The following PTPRN2 variants were observed in gnomAD, a reference collection of about 807,000 sequenced individuals.
The protein encoded by PTPRN2 is protein tyrosine phosphatase receptor type N2, also known as receptor-type tyrosine-protein phosphatase N2.
Under a neutral mutation model 118.8 loss-of-function variants are expected in PTPRN2, and 74 were observed. That is an observed-to-expected ratio of 0.62 (90% CI 0.52 to 0.76). The LOEUF is 0.76. Among genes scored for constraint, PTPRN2 ranks in the 30% least tolerant of loss-of-function variants. The pLI is 0.00. For missense variants in PTPRN2, 1,481 were observed against 1,394.4 expected (o/e 1.06, Z -0.99); for synonymous variants, 641 against 608.0 (o/e 1.05, Z -0.80).
rs1306993161 is a variant in PTPRN2 at position 157,583,989 on chromosome 7, A to C, written c.2497-5849T>G. Among the ~76,000 whole-genome samples the C allele has an allele frequency of 6.6e-6, 1 of 151,872 alleles. No individual in the cohort carries two copies. Among genetic ancestry groups the C allele is most frequent in the African/African-American group, 2.4e-5 (1 of 41,314 alleles). ...CAGAGACCTGATTTAAGGGAAGATG[A>C]TCAATCTGAAATAGTGAAACACTGG... On this transcript the variant is annotated intron_variant, in intron 17 of 22. Transcript: ENST00000389418. The surrounding 1 kb of genome is among the most constrained non-coding windows in gnomAD (Gnocchi z 5.5).
At chr7:158,332,743 C>T (rs1428440617) in intron 2 of PTPRN2, among the ~76,000 whole-genome samples, 2 of 149,846 alleles carry the variant, frequency 1.3e-5, no homozygotes, top group African/African-American at 5.0e-5. Context: ...ACCATAAGAG[C>T]TGAGGCCCAC....
At chr7:157,895,056 C>CCCT (rs11419587) in intron 12 of PTPRN2, among the ~76,000 whole-genome samples, 13 of 151,938 alleles carry the variant, frequency 8.6e-5, no homozygotes, top group Admixed American at 7.9e-4. Context: ...ACCCCTCCCC[C>CCCT]ACAGGAGGGG....
chr7:158,442,052 G>T (rs1197470574), intron 2 of PTPRN2, among the ~76,000 whole-genome samples: 2 of 150,280 alleles, frequency 1.3e-5, no homozygotes, highest in Non-Finnish European at 3.0e-5. Flanking sequence ...GACAGTGGTG[G>T]TGATGGTGAT....
At chr7:157,996,059 T>C (rs1227369709) in intron 11 of PTPRN2, among the ~76,000 whole-genome samples, 2 of 152,192 alleles carry the variant, frequency 1.3e-5, no homozygotes, top group Non-Finnish European at 2.9e-5. Context: ...TAAAAAAGGA[T>C]GAAGTCCTGT....
chr7:157,711,621 C>CT (rs1381692051), intron 12 of PTPRN2, among the ~76,000 whole-genome samples: 1 of 152,182 alleles, frequency 6.6e-6, no homozygotes, highest in African/African-American at 2.4e-5. Context: ...CTGCTCTCCT[C>CT]TTTGTCTTCT....
At chr7:158,403,404 GC>G (rs1408304538) in intron 2 of PTPRN2, among the ~76,000 whole-genome samples, 1 of 152,204 alleles carries the variant, frequency 6.6e-6, no homozygotes, top group Non-Finnish European at 1.5e-5. Flanking sequence ...TGACATGCAG[GC>G]CCCACCCCAG....
intron 3 of PTPRN2, among the ~76,000 whole-genome samples, chr7:158,245,728 C>T (rs933205782): frequency 1.3e-5 from 2 of 152,132 alleles, no homozygotes; most frequent in Non-Finnish European, 2.9e-5. Context: ...TCAGGCACAG[C>T]GTCTCATGAC....
At chr7:158,155,951 G>A (rs189116259) in intron 6 of PTPRN2, among the ~76,000 whole-genome samples, 7 of 152,260 alleles carry the variant, frequency 4.6e-5, no homozygotes, top group Non-Finnish European at 1.0e-4. Context: ...GCTCATTATC[G>A]CATTCTCTCC....
At chr7:158,500,736 A>G (rs1470263128) in intron 1 of PTPRN2, among the ~76,000 whole-genome samples, 1 of 152,252 alleles carries the variant, frequency 6.6e-6, no homozygotes, top group Non-Finnish European at 1.5e-5. Context: ...AAGTTGAAAG[A>G]CGTGACCAGG....
intron 12 of PTPRN2, among the ~76,000 whole-genome samples, chr7:157,811,332 T>TTATATATATTTATATATATATATATATA (rs1554455382): frequency 5.3e-5 from 7 of 131,296 alleles, no homozygotes; most frequent in African/African-American, 1.4e-4. Context: ...ATCTACTCTA[T>TTATATATATTTATATATATATATATATA]TATATATATA....
chr7:158,300,487 T>C (rs1800807225), intron 3 of PTPRN2, among the ~76,000 whole-genome samples: 1 of 152,190 alleles, frequency 6.6e-6, no homozygotes, highest in African/African-American at 2.4e-5. Flanking sequence ...CTATATTTTG[T>C]GTGAGACATC....
At chr7:157,655,922 C>T (rs1337842843) in intron 14 of PTPRN2, among the ~76,000 whole-genome samples, 2 of 151,906 alleles carry the variant, frequency 1.3e-5, no homozygotes, top group Non-Finnish European at 2.9e-5. Flanking sequence ...CCCACACCTC[C>T]TCCTGCCTTG....
chr7:158,071,334 G>C (rs1336555970), intron 11 of PTPRN2, among the ~76,000 whole-genome samples: 1 of 124,204 alleles, frequency 8.1e-6, no homozygotes, highest in South Asian at 2.9e-4. Flanking sequence ...GGTGCCCATG[G>C]TGGTGGAGGT....
intron 2 of PTPRN2, among the ~76,000 whole-genome samples, chr7:158,340,312 C>A (rs1275143441): frequency 3.0e-5 from 3 of 100,530 alleles, no homozygotes; most frequent in South Asian, 3.9e-4. Flanking sequence ...GAGCTGACAC[C>A]CACAGACATC....
intron 1 of PTPRN2, among the ~76,000 whole-genome samples, chr7:158,569,729 CTG>C (rs1827881874): frequency 2.2e-4 from 1 of 4,538 alleles, no homozygotes; most frequent in Admixed American, 4.5e-3. Context: ...GGCCGCCTGA[CTG>C]ACAGGAACGC....
intron 2 of PTPRN2, among the ~76,000 whole-genome samples, chr7:158,423,850 C>T (rs1815471107): frequency 6.6e-6 from 1 of 152,088 alleles, no homozygotes; most frequent in African/African-American, 2.4e-5. Flanking sequence ...TGGGACATTA[C>T]AGTCCCTTTA....
At chr7:158,558,760 A>T (rs1827202532) in intron 1 of PTPRN2, among the ~76,000 whole-genome samples, 1 of 145,704 alleles carries the variant, frequency 6.9e-6, no homozygotes, top group African/African-American at 2.6e-5. Flanking sequence ...GCTAGACTAA[A>T]AAAAAAAAAA....
At chr7:158,482,570 G>GTGCTAT (rs2129444980) in intron 2 of PTPRN2, among the ~76,000 whole-genome samples, 1 of 152,254 alleles carries the variant, frequency 6.6e-6, no homozygotes, top group African/African-American at 2.4e-5. Flanking sequence ...TTTAGACATA[G>GTGCTAT]TGCTATTACA....
intron 9 of PTPRN2, among the ~76,000 whole-genome samples, chr7:158,127,765 C>G (rs1348938601): frequency 6.6e-6 from 1 of 152,168 alleles, no homozygotes; most frequent in Non-Finnish European, 1.5e-5. Context: ...GCAGGTTCCT[C>G]TTTGCTGAGA....
Sources: allele counts gnomAD v4.1 joint callset (sites outside exome capture counted in the v4.1 genomes callset), GRCh38; gene constraint gnomAD v4.1.1; non-coding constraint Gnocchi (gnomAD v3.1); transcripts MANE v1.5; gene names NCBI Gene and HGNC (gene_info 2026-07-23, HGNC 2026-07-21).